ARAP2: variants seen among roughly 807,000 people sequenced by gnomAD.
ARAP2 encodes ArfGAP with RhoGAP domain, ankyrin repeat and PH domain 2.
A neutral mutation model predicts 194.5 loss-of-function variants in ARAP2; 148 were observed. The observed-to-expected ratio is 0.76, with a 90% CI of 0.67 to 0.87. ARAP2 has a LOEUF of 0.87. ARAP2 is among the 40% of genes least tolerant of loss of function. The pLI is 0.00. For synonymous variants in ARAP2, 695 were observed against 683.5 expected (o/e 1.02, Z -0.26); for missense variants, 2,128 against 1,989.7 (o/e 1.07, Z -1.32).
At chr4:36,095,950 G>A (rs1487696325) in intron 27 of ARAP2, among the ~76,000 whole-genome samples, 2 of 152,216 alleles carry the variant, frequency 1.3e-5, no homozygotes, top group East Asian at 3.9e-4. Context: ...GCACACACAA[G>A]ATGTATGGCA....
chr4:36,116,925 T>C (rs1336798903), intron 25 of ARAP2, 136 bp downstream of exon 25: 1 of 453,834 alleles, frequency 2.2e-6, no homozygotes, highest in Non-Finnish European at 3.7e-6. Flanking sequence ...GATATCACTA[T>C]AAAAAGTCTA....
At chr4:36,017,588 G>A (rs1163989426) in intron 6 of ARAP2, among the ~76,000 whole-genome samples, 679 of 18,458 alleles carry the variant, frequency 0.037, 1 homozygote, top group Middle Eastern at 0.056. Context: ...AAAAAAAAAA[G>A]CTTTCTGTGG....
intron 31 of ARAP2, among the ~76,000 whole-genome samples, chr4:36,077,847 G>A (rs1728601525): frequency 6.6e-6 from 1 of 152,108 alleles, no homozygotes; most frequent in Non-Finnish European, 1.5e-5. Flanking sequence ...AAACAAGACA[G>A]TGATGATGTC....
At chr4:36,051,942 T>A (rs1396066854) in intron 3 of ARAP2, 1 of 152,190 alleles carries the variant, frequency 6.6e-6, no homozygotes, top group Non-Finnish European at 1.5e-5. Flanking sequence ...TAAAGCTTTT[T>A]AAAAATAAAA....
At chr4:36,057,567 A>G (rs967640362) in intron 2 of ARAP2, among the ~76,000 whole-genome samples, 5 of 151,962 alleles carry the variant, frequency 3.3e-5, no homozygotes, top group African/African-American at 1.2e-4. Context: ...CATTTTGGAT[A>G]TATTTGATTT....
chr4:36,048,596 T>C (rs1722184625), intron 3 of ARAP2, among the ~76,000 whole-genome samples: 1 of 152,184 alleles, frequency 6.6e-6, no homozygotes, highest in South Asian at 2.1e-4. Flanking sequence ...ATTTGCTTTA[T>C]CCAAAACACC....
chr4:36,105,490 T>A (rs111447118), intron 27 of ARAP2, among the ~76,000 whole-genome samples: 3,085 of 152,106 alleles, frequency 0.02, 42 homozygotes, highest in South Asian at 0.05. Context: ...GATGCTTTTA[T>A]AACAGAAGGA....
At chr4:36,166,888 T>C (rs771516344) in intron 10 of ARAP2, 44 bp downstream of exon 10, 1 of 1,256,844 alleles carries the variant, frequency 8.0e-7, no homozygotes, top group Non-Finnish European at 1.1e-6. Context: ...TCACCCAAGC[T>C]TTCCTATAGT....
intron 6 of ARAP2, among the ~76,000 whole-genome samples, chr4:36,017,563 G>GGAAAAA (rs1560270898): frequency 1.5e-4 from 1 of 6,522 alleles, no homozygotes; most frequent in African/African-American, 1.5e-3. Flanking sequence ...TAAGAAAGTG[G>GGAAAAA]TAAAAAAAAA....
intron 9 of ARAP2, among the ~76,000 whole-genome samples, chr4:36,010,429 A>G (rs1577517128): frequency 6.6e-6 from 1 of 152,206 alleles, no homozygotes; most frequent in Non-Finnish European, 1.5e-5. Context: ...CCCTATGACC[A>G]GTAAGGAGCC....
chr4:36,224,895 A>T (rs972098509), intron 2 of ARAP2, among the ~76,000 whole-genome samples: 1 of 152,158 alleles, frequency 6.6e-6, no homozygotes, highest in Non-Finnish European at 1.5e-5. Context: ...CCTTCTGTAT[A>T]TTTCTTATTC....
chr4:36,045,852 AAT>A (rs1424980809), intron 5 of ARAP2: 1 of 152,174 alleles, frequency 6.6e-6, no homozygotes, highest in African/African-American at 2.4e-5. Flanking sequence ...TAAATAAATA[AAT>A]AAATACAGAA....
chr4:36,069,014 T>C (rs1726176369), intron 32 of ARAP2, among the ~76,000 whole-genome samples: 1 of 109,622 alleles, frequency 9.1e-6, no homozygotes, highest in African/African-American at 3.6e-5. Context: ...TAGATATGTC[T>C]AGCAAGGTTT....
chr4:36,082,880 G>A (rs1386540151), intron 29 of ARAP2, among the ~76,000 whole-genome samples: 1 of 152,108 alleles, frequency 6.6e-6, no homozygotes. Flanking sequence ...CTCCTCTAGC[G>A]CTTACATGCT....
intron 8 of ARAP2, among the ~76,000 whole-genome samples, chr4:36,182,716 C>T (rs992553033): frequency 2.0e-5 from 3 of 152,024 alleles, no homozygotes; most frequent in Non-Finnish European, 4.4e-5. Flanking sequence ...CTAAGTCAAA[C>T]TGATGGACTA....
chr4:36,177,735 A>G, intron 9 of ARAP2, 92 bp downstream of exon 9: 2 of 1,311,034 alleles, frequency 1.5e-6, no homozygotes, highest in Admixed American at 2.6e-5. Context: ...ACAAGACTCT[A>G]TAAGTAAAAT....
At chr4:36,127,235 C>G (rs1487480011) in intron 21 of ARAP2, among the ~76,000 whole-genome samples, 1 of 152,116 alleles carries the variant, frequency 6.6e-6, no homozygotes, top group Admixed American at 6.6e-5. Context: ...AATACAATTT[C>G]TTAAAACAAA....
chr4:36,208,208 G>T (rs1174676231), intron 6 of ARAP2, among the ~76,000 whole-genome samples: 1 of 152,180 alleles, frequency 6.6e-6, no homozygotes, highest in East Asian at 1.9e-4. Flanking sequence ...ATTTTAGCAT[G>T]AATTTGAGAG....
intron 5 of ARAP2, among the ~76,000 whole-genome samples, chr4:36,036,356 G>A (rs1719921299): frequency 6.6e-6 from 1 of 151,984 alleles, no homozygotes; most frequent in Non-Finnish European, 1.5e-5. Flanking sequence ...AACATTTATT[G>A]TTTTTGCTGT....
Sources: gnomAD v4.1 joint callset for allele counts (sites outside exome capture counted in the v4.1 genomes callset) on GRCh38, gnomAD v4.1.1 for gene constraint, MANE v1.5 for transcripts, NCBI Gene and HGNC (gene_info 2026-07-23, HGNC 2026-07-21) for gene names.